Variants in SEL1L3 observed in about 807,000 individuals in gnomAD.
SEL1L3 encodes protein sel-1 homolog 3.
A neutral mutation model predicts 142.8 loss-of-function variants in SEL1L3; 76 were observed. The observed-to-expected ratio is 0.53, with a 90% CI of 0.44 to 0.64. The LOEUF is 0.64. Ranked by LOEUF, SEL1L3 falls within the 30% of genes least tolerant of loss-of-function variation. SEL1L3 has a pLI of 0.00. For synonymous variants in SEL1L3, 504 were observed against 519.6 expected (o/e 0.97, Z 0.41); for missense variants, 1,262 against 1,381.7 (o/e 0.91, Z 1.37).
At chr4:25,789,242 G>A (rs577548131) in intron 12 of SEL1L3, among the ~76,000 whole-genome samples, 14 of 151,878 alleles carry the variant, frequency 9.2e-5, no homozygotes, top group South Asian at 2.1e-4. Context: ...GCAAAGTATC[G>A]CCTGAAATGT....
intron 1 of SEL1L3, among the ~76,000 whole-genome samples, chr4:25,851,997 G>A (rs1280220270): frequency 6.6e-6 from 1 of 151,988 alleles, no homozygotes; most frequent in Non-Finnish European, 1.5e-5. Flanking sequence ...GGCAACCTGT[G>A]GGAAGAGATA....
chr4:25,773,808 C>T (rs1719408082), intron 17 of SEL1L3, among the ~76,000 whole-genome samples: 1 of 152,162 alleles, frequency 6.6e-6, no homozygotes, highest in Non-Finnish European at 1.5e-5. Flanking sequence ...ATTTTGTAGA[C>T]TCTCTTTGCT....
rs377540614 is a variant in SEL1L3 at position 25,812,817 on chromosome 4, A to C, written c.1564+5321T>G. Among the ~76,000 whole-genome samples, 21 of 152,196 alleles carry C rather than the reference A, an allele frequency of 1.4e-4. No homozygotes were observed. In the South Asian group the frequency reaches 4.3e-3, roughly 32 times the overall value. ...CACTTAAGGTCAGGAGTTCAAGACCAGCCTGGCCAACATGGCAAAACCCCA... is the reference window on the plus strand; with the variant it reads ...CACTTAAGGTCAGGAGTTCAAGACCCGCCTGGCCAACATGGCAAAACCCCA... On this transcript the variant is annotated intron_variant, in intron 9 of 23. Transcript: ENST00000399878.
chr4:25,714,924 A>G, the SEL1L3 span, among the ~76,000 whole-genome samples: 1 of 152,130 alleles, frequency 6.6e-6, no homozygotes, highest in Non-Finnish European at 1.5e-5. Context: ...TATTTTGATG[A>G]CATCAGATCA....
intron 2 of SEL1L3, among the ~76,000 whole-genome samples, chr4:25,846,632 G>T (rs113034363): frequency 2.0e-5 from 3 of 152,124 alleles, no homozygotes; most frequent in African/African-American, 7.2e-5. Flanking sequence ...TAGAGGCCCC[G>T]GCATGGTGGC....
At chr4:25,863,136 A>G (rs1577715170), upstream of SEL1L3, 1 of 150,016 alleles carries the variant, frequency 6.7e-6, no homozygotes, top group East Asian at 2.1e-4. Context: ...CACCCCTCGG[A>G]GCAGCGGGCG....
rs1249976716 is a variant in SEL1L3 at position 25,788,736 on chromosome 4, G to C, written c.2077-372C>G. Among the ~76,000 whole-genome samples the C allele has an allele frequency of 6.6e-6, 1 of 152,062 alleles. No homozygotes were observed. Among genetic ancestry groups the C allele is most frequent in the African/African-American group, 2.4e-5 (1 of 41,392 alleles). On this transcript the variant is annotated intron_variant, in intron 12 of 23. Transcript: ENST00000399878. This position sits in a 1 kb window ranked among gnomAD's most constrained non-coding sequence, Gnocchi z 5.3. ...CTTTTGGCCCAGCGATTGGCATGGA[G>C]GTCTCTGCACATCTGTATCATTAGG...
chr4:25,820,962 A>C (rs1219705349), intron 7 of SEL1L3, among the ~76,000 whole-genome samples: 2 of 151,994 alleles, frequency 1.3e-5, no homozygotes, highest in African/African-American at 4.8e-5. Context: ...TCCTGACTTC[A>C]AGTGATCCGC....
chr4:25,832,049 C>G lies in SEL1L3; in HGVS notation c.1098+946G>C, dbSNP rs113466693. 3.2e-3 allele frequency among the ~76,000 whole-genome samples: 491 copies of G among 152,288 alleles called. 3 individuals are homozygous for G. The highest frequency in any genetic ancestry group is 0.011 in the African/African-American group (463 of 41,548). Reference sequence around the variant, plus strand: ...TTATGGCCATCATAATTCTCACATACATAGGAAGCTAAAATGTGGACCACC... The same window carrying G: ...TTATGGCCATCATAATTCTCACATAGATAGGAAGCTAAAATGTGGACCACC... On this transcript the variant is annotated intron_variant, in intron 5 of 23. Transcript: ENST00000399878.
the SEL1L3 span, among the ~76,000 whole-genome samples, chr4:25,715,333 A>T: frequency 1.3e-5 from 2 of 152,122 alleles, no homozygotes; most frequent in Non-Finnish European, 2.9e-5. Context: ...CTCAATTTTT[A>T]AAAATTATAT....
intron 6 of SEL1L3, among the ~76,000 whole-genome samples, chr4:25,824,139 GTTA>G (rs1264656005): frequency 6.6e-6 from 1 of 152,196 alleles, no homozygotes; most frequent in African/African-American, 2.4e-5. Flanking sequence ...AGGCCATAAA[GTTA>G]TTATCTCTGA....
At chr4:25,724,734 C>A in the SEL1L3 span, among the ~76,000 whole-genome samples, 1 of 16,484 alleles carries the variant, frequency 6.1e-5, no homozygotes, top group Non-Finnish European at 9.9e-5. Context: ...CAGACTCCAA[C>A]TCAAAAAAAA....
In SEL1L3 at chr4:25,826,547, C is replaced by G. The variant is rs1352110005; in HGVS notation, c.1157+3551G>C. Among the ~76,000 whole-genome samples the G allele has an allele frequency of 2.0e-5, 3 of 152,206 alleles. No homozygotes were observed. In the East Asian group the frequency reaches 5.8e-4, roughly 29 times the overall value. On this transcript the variant is annotated intron_variant, in intron 6 of 23. Coordinates refer to ENST00000399878, the MANE Select transcript of SEL1L3 (RefSeq NM_015187.5). ...CCCCCGGGGGACTCTGGACAGCTCC[C>G]TCTGGGACTAGCTTTACCTCTGCTT...
chr4:25,862,932 C>T lies in SEL1L3; in HGVS notation c.-96G>A, dbSNP rs1408764927. On this transcript the variant is annotated 5_prime_UTR_variant, in exon 1 of 24. Coordinates refer to ENST00000399878, the MANE Select transcript of SEL1L3 (RefSeq NM_015187.5). ...CCTTCCCGCCCGCCCCCGGCCGGGCCGGCCGCCGCGCGCGGGGCCACCTGC... is the reference window on the plus strand; with the variant it reads ...CCTTCCCGCCCGCCCCCGGCCGGGCTGGCCGCCGCGCGCGGGGCCACCTGC... 7 of 888,554 alleles carry T rather than the reference C, an allele frequency of 7.9e-6. No homozygotes were observed. The highest frequency in any genetic ancestry group is 9.4e-6 in the Non-Finnish European group (7 of 743,800). 55.0% of individuals were successfully genotyped at this position (888,554 alleles called of 1,614,324 possible). A position where few individuals can be genotyped will look rare whatever the true frequency, so the allele number is the denominator to read the frequency against.
At position 25,790,340 on chromosome 4, in the gene SEL1L3, G is replaced by A. The variant is rs1712205470; in HGVS notation, c.2076+115C>T. On this transcript the variant is annotated intron_variant, in intron 12 of 23. Transcript: ENST00000399878. ...CCCCTATTGGACATGCAGTGTGAGTGAGAAATAAACTGGCATTATTTTAAG... is the reference window on the plus strand; with the variant it reads ...CCCCTATTGGACATGCAGTGTGAGTAAGAAATAAACTGGCATTATTTTAAG... The A allele has an allele frequency of 4.0e-6, 4 of 1,000,264 alleles. No homozygotes were observed. The South Asian group carries it at 5.3e-5, about 13-fold the overall frequency. 62.0% of individuals were successfully genotyped at this position (1,000,264 alleles called of 1,614,324 possible).
intron 1 of SEL1L3, among the ~76,000 whole-genome samples, chr4:25,857,526 A>G (rs1230126535): frequency 6.6e-6 from 1 of 152,200 alleles, no homozygotes; most frequent in Non-Finnish European, 1.5e-5. Context: ...ATGGGACCTC[A>G]TAGAACTTCT....
At chr4:25,827,800 T>C (rs1171456509) in intron 6 of SEL1L3, among the ~76,000 whole-genome samples, 1 of 151,432 alleles carries the variant, frequency 6.6e-6, no homozygotes, top group Admixed American at 6.6e-5. Flanking sequence ...ATTCAACCAG[T>C]GGTCGAAAAT....
chr4:25,746,153 T>C (rs567224195), downstream of SEL1L3, among the ~76,000 whole-genome samples: 8 of 152,202 alleles, frequency 5.3e-5, no homozygotes, highest in African/African-American at 1.9e-4. Context: ...GCTGTCCTCA[T>C]GATAGTGAGC....
At chr4:25,759,252 CA>C (rs3216723) in intron 20 of SEL1L3, 184 bp from the exon 21 acceptor site, 59,335 of 577,820 alleles carry the variant, frequency 0.1, 3,411 homozygotes, top group South Asian at 0.14. Context: ...AATTTATTTG[CA>C]GGAGAACCAG....
Sources: gnomAD v4.1 joint callset for allele counts (sites outside exome capture counted in the v4.1 genomes callset) on GRCh38, gnomAD v4.1.1 for gene constraint, Gnocchi (gnomAD v3.1) non-coding constraint, MANE v1.5 for transcripts, NCBI Gene and HGNC (gene_info 2026-07-23, HGNC 2026-07-21) for gene names.